Variants in RBFOX1 observed in about 807,000 individuals in gnomAD.
RBFOX1 encodes the protein RNA binding fox-1 homolog 1.
Under a neutral mutation model 57.7 loss-of-function variants are expected in RBFOX1, and 8 were observed. That is an observed-to-expected ratio of 0.14 (90% CI 0.08 to 0.25). RBFOX1 has a LOEUF of 0.25. RBFOX1 is among the 10% of genes least tolerant of loss of function. The pLI is 1.00. For missense variants in RBFOX1, 611 were observed against 548.5 expected, an observed-to-expected ratio of 1.11 and a Z score of -1.14; for synonymous variants, 326 against 222.4, an observed-to-expected ratio of 1.47 and a Z score of -4.15.
intron 2 of RBFOX1, among the ~76,000 whole-genome samples, chr16:5,596,573 C>G (rs748806177): frequency 1.3e-5 from 2 of 152,134 alleles, no homozygotes; most frequent in African/African-American, 4.8e-5. Flanking sequence ...GGAGGCCCGT[C>G]TCAAAGAAAG....
chr16:6,501,415 T>C (rs809093), intron 2 of RBFOX1, among the ~76,000 whole-genome samples: 16,852 of 151,202 alleles, frequency 0.11, 1,738 homozygotes, highest in East Asian at 0.43. Flanking sequence ...CTTGCGATAG[T>C]TTGCTAAGAA....
chr16:6,472,549 G>C (rs898729843), intron 2 of RBFOX1, among the ~76,000 whole-genome samples: 1 of 152,138 alleles, frequency 6.6e-6, no homozygotes, highest in African/African-American at 2.4e-5. Flanking sequence ...TTTGGGGAAA[G>C]TGTGAGTCAT....
chr16:5,401,764 T>TCCTC (rs2066720222), intron 1 of RBFOX1, among the ~76,000 whole-genome samples: 11 of 103,494 alleles, frequency 1.1e-4, no homozygotes, highest in Admixed American at 6.3e-4. Flanking sequence ...TCCCTGTCTC[T>TCCTC]CTCCTCCTCC....
chr16:7,691,321 A>G (rs894398780), intron 14 of RBFOX1, among the ~76,000 whole-genome samples: 1 of 151,900 alleles, frequency 6.6e-6, no homozygotes, highest in African/African-American at 2.4e-5. Context: ...GGGATCAAGA[A>G]GAGACCAGGG....
At chr16:7,066,403 C>G (rs149485000) in intron 4 of RBFOX1, among the ~76,000 whole-genome samples, 6 of 152,280 alleles carry the variant, frequency 3.9e-5, no homozygotes, top group African/African-American at 1.2e-4. Flanking sequence ...GTATGGTTTT[C>G]TTTATTGATT....
At chr16:7,040,887 T>G (rs1568490336) in intron 3 of RBFOX1, among the ~76,000 whole-genome samples, 2 of 140,252 alleles carry the variant, frequency 1.4e-5, no homozygotes. Flanking sequence ...GTAAATAAAG[T>G]TTTTTTTTTG....
chr16:7,655,048 G>A (rs1386281376), intron 12 of RBFOX1, among the ~76,000 whole-genome samples: 1 of 152,154 alleles, frequency 6.6e-6, no homozygotes. Context: ...TTAAGACTGT[G>A]TGAAAAGGGT....
chr16:7,685,022 G>C (rs1240450602), intron 14 of RBFOX1, among the ~76,000 whole-genome samples: 2 of 152,064 alleles, frequency 1.3e-5, no homozygotes, highest in Non-Finnish European at 2.9e-5. Flanking sequence ...GCCTTGCCTT[G>C]TAAAGTGTAG....
intron 3 of RBFOX1, among the ~76,000 whole-genome samples, chr16:5,834,609 G>GATAA (rs1451892341): frequency 6.7e-6 from 1 of 148,684 alleles, no homozygotes; most frequent in East Asian, 1.9e-4. Context: ...TAGATAGATA[G>GATAA]ATAGATAGAT....
chr16:5,595,066 A>T (rs1049400358), intron 2 of RBFOX1, among the ~76,000 whole-genome samples: 3 of 151,720 alleles, frequency 2.0e-5, no homozygotes, highest in Non-Finnish European at 4.4e-5. Flanking sequence ...GAATTGTTTG[A>T]ACCTGGGAGG....
intron 3 of RBFOX1, among the ~76,000 whole-genome samples, chr16:6,883,792 A>G (rs1567705560): frequency 1.3e-5 from 2 of 151,822 alleles, no homozygotes; most frequent in African/African-American, 4.8e-5. Flanking sequence ...GTTAGTGAAG[A>G]GGTTTTTTTT....
intron 14 of RBFOX1, among the ~76,000 whole-genome samples, chr16:7,701,007 C>G (rs1397912266): frequency 1.3e-5 from 2 of 152,144 alleles, no homozygotes; most frequent in Admixed American, 6.5e-5. Flanking sequence ...AAAGCAAGTT[C>G]TGTGGCTTCT....
intron 11 of RBFOX1, among the ~76,000 whole-genome samples, chr16:7,644,586 G>A (rs1440352085): frequency 6.6e-6 from 1 of 152,074 alleles, no homozygotes; most frequent in African/African-American, 2.4e-5. Context: ...TTTCGTAACT[G>A]TAGGACTATG....
At chr16:6,729,611 G>T (rs182643523) in intron 3 of RBFOX1, among the ~76,000 whole-genome samples, 3 of 152,026 alleles carry the variant, frequency 2.0e-5, no homozygotes, top group Non-Finnish European at 2.9e-5. Flanking sequence ...GCTTCTAAAG[G>T]GTTCTTGGCT....
rs1177893669 is a variant in RBFOX1 at position 7,172,228 on chromosome 16, C to G, written c.27+120130C>G. Among the ~76,000 whole-genome samples the G allele has an allele frequency of 3.9e-5, 6 of 152,144 alleles. No homozygotes were observed. In the East Asian group the frequency reaches 1.2e-3, roughly 29 times the overall value. ...ATTTTCTTATATTACCTAAAATCCA[C>G]ATACTCTTCAATAAATTTACCACCA... is the stretch of plus-strand genomic sequence containing the variant. On this transcript the variant is annotated intron_variant, in intron 4 of 15. Coordinates refer to ENST00000550418, the MANE Select transcript of RBFOX1 (RefSeq NM_018723.4).
chr16:5,240,202 G>T, intron 1 of RBFOX1: 3 of 844,688 alleles, frequency 3.6e-6, no homozygotes, highest in East Asian at 2.7e-5. Context: ...GCCGGCCCCG[G>T]GTTGAAGTTG....
rs1236467448 is a variant in RBFOX1 at position 6,674,392 on chromosome 16, G to C, written c.-16+19742G>C. On this transcript the variant is annotated intron_variant, in intron 3 of 15. Transcript: ENST00000550418. ...GCTGGAGTGCAATGGTGCGATCTCA[G>C]CTCACCTCAACCTCCGCCTCCTGGG... 2.6e-5 allele frequency among the ~76,000 whole-genome samples: 4 copies of C among 151,818 alleles called. No individual in the cohort carries two copies. In the East Asian group the frequency reaches 5.8e-4, roughly 22 times the overall value.
intron 5 of RBFOX1, among the ~76,000 whole-genome samples, chr16:7,543,667 C>CTG (rs71150310): frequency 0.021 from 3,033 of 141,372 alleles, 42 homozygotes; most frequent in East Asian, 0.055. Context: ...TGGGCAGTAT[C>CTG]TGTGTGTGTG....
At position 5,516,981 on chromosome 16, in the gene RBFOX1, C is replaced by G. The variant is rs188310624; in HGVS notation, c.258+49727C>G. ...GTGAGAACGAGCTAATACGACTCTT[C>G]TCCTGACTTTCTTCCTGTTTTTTTT... On this transcript the variant is annotated intron_variant, in intron 2 of 2. Transcript: ENST00000585867. 3.6e-3 allele frequency among the ~76,000 whole-genome samples: 553 copies of G among 151,962 alleles called. 5 individuals are homozygous for G. Among genetic ancestry groups the G allele is most frequent in the African/African-American group, 0.012 (515 of 41,460 alleles).
Sources: allele counts gnomAD v4.1 joint callset (sites outside exome capture counted in the v4.1 genomes callset), GRCh38; gene constraint gnomAD v4.1.1; transcripts MANE v1.5; gene names NCBI Gene and HGNC (gene_info 2026-07-23, HGNC 2026-07-21).